The following MIA2 variants were observed in gnomAD, a reference collection of about 807,000 sequenced individuals.
MIA2 encodes the protein MIA SH3 domain ER export factor 2.
Under a neutral mutation model 167.8 loss-of-function variants are expected in MIA2, and 127 were observed. The observed-to-expected ratio is 0.76, with a 90% CI of 0.66 to 0.88. The LOEUF is 0.88. Among genes scored for constraint, MIA2 ranks in the 40% least tolerant of loss-of-function variants. The pLI, the probability that MIA2 is intolerant of heterozygous loss-of-function variation, is 0.00. For missense variants in MIA2, 1,690 were observed against 1,624.7 expected, an observed-to-expected ratio of 1.04 and a Z score of -0.69; for synonymous variants, 552 against 541.9, an observed-to-expected ratio of 1.02 and a Z score of -0.26.
chr14:39,288,453 A>ATTTTTTTTTTTTTTT, intron 9 of MIA2, among the ~76,000 whole-genome samples: 1 of 13,808 alleles, frequency 7.2e-5, no homozygotes, highest in Admixed American at 9.4e-4. Context: ...ATATATATAT[A>ATTTTTTTTTTTTTTT]TATATATATA....
At chr14:39,275,651 A>C (rs1466401635) in intron 6 of MIA2, among the ~76,000 whole-genome samples, 2 of 152,194 alleles carry the variant, frequency 1.3e-5, no homozygotes, top group East Asian at 3.8e-4. Context: ...ACATTAGCTA[A>C]AAGTAAGATG....
chr14:39,281,243 A>G (rs1350211614), intron 9 of MIA2, among the ~76,000 whole-genome samples: 1 of 151,176 alleles, frequency 6.6e-6, no homozygotes, highest in Non-Finnish European at 1.5e-5. Context: ...GTTTTGAAAC[A>G]CTCTTGATTG....
intron 25 of MIA2, among the ~76,000 whole-genome samples, 180 bp downstream of exon 25, chr14:39,327,202 T>C (rs2067753910): frequency 6.6e-6 from 1 of 152,238 alleles, no homozygotes; most frequent in Non-Finnish European, 1.5e-5. Flanking sequence ...GTTCATATTA[T>C]AGAAAGCTGT....
At chr14:39,359,732 T>C (rs977905810) in intron 23 of MIA2, among the ~76,000 whole-genome samples, 2 of 152,198 alleles carry the variant, frequency 1.3e-5, no homozygotes, top group Non-Finnish European at 2.9e-5. Flanking sequence ...TTGTGTCCAT[T>C]GATAGATGCT....
At position 39,247,896 on chromosome 14, in the gene MIA2, A is replaced by G. The variant is rs765592561; in HGVS notation, c.1322A>G (p.Lys441Arg). The G allele has an allele frequency of 6.3e-7, 1 of 1,589,734 alleles. No homozygotes were observed. Among genetic ancestry groups the G allele is most frequent in the South Asian group, 1.2e-5 (1 of 85,342 alleles). ...ATAGAAACAGAAGATCAAATAGACA[A>G]GAAACCAGTCTCAGAAAAAACAGAC... is the stretch of plus-strand genomic sequence containing the variant. ...KIIETEDQID[K>R]KPVSEKTDES... The change falls in exon 4 of 29, where the codon AAG becomes AGG. Residue 441 changes from lysine to arginine, a missense_variant. Lys to Arg is a conservative substitution (Grantham distance 26). Coordinates refer to ENST00000640607, the MANE Select transcript of MIA2 (RefSeq NM_001329214.4).
chr14:39,277,185 GTTTTTGTTTTTTGT>G, intron 7 of MIA2, 120 bp downstream of exon 7: 2 of 1,326,484 alleles, frequency 1.5e-6, no homozygotes, highest in Non-Finnish European at 2.0e-6. Flanking sequence ...GGATTCAGAG[GTTTTTGTTTTTTGT>G]TTTTTGTTTT....
At chr14:39,297,651 C>G (rs2061604702) in intron 13 of MIA2, among the ~76,000 whole-genome samples, 1 of 119,856 alleles carries the variant, frequency 8.3e-6, no homozygotes, top group South Asian at 2.6e-4. Flanking sequence ...CAAAGAATGA[C>G]CCTGTAGGGT....
At chr14:39,243,605 C>G (rs898765790) in intron 3 of MIA2, among the ~76,000 whole-genome samples, 5 of 152,160 alleles carry the variant, frequency 3.3e-5, no homozygotes, top group African/African-American at 1.2e-4. Context: ...GTGGCTCATG[C>G]CTGTAATCCC....
intron 6 of MIA2, among the ~76,000 whole-genome samples, chr14:39,269,323 C>T (rs1222885382): frequency 6.6e-6 from 1 of 151,848 alleles, no homozygotes; most frequent in Non-Finnish European, 1.5e-5. Context: ...AAAATAAACT[C>T]TACTGATTAG....
intron 6 of MIA2, among the ~76,000 whole-genome samples, chr14:39,263,171 T>A (rs1014179736): frequency 1.3e-5 from 2 of 152,276 alleles, no homozygotes; most frequent in African/African-American, 4.8e-5. Context: ...ATAGCTCTTA[T>A]TATTTTGAGA....
At position 39,298,530 on chromosome 14, in the gene MIA2, G is replaced by GTTTTGTTTTTT. The variant is rs2061832220; in HGVS notation, c.2497-1330_2497-1329insGTTTTTTTTTT. 2.2e-3 allele frequency among the ~76,000 whole-genome samples: 58 copies of GTTTTGTTTTTT among 26,172 alleles called. 2 individuals are homozygous for GTTTTGTTTTTT. Among genetic ancestry groups the GTTTTGTTTTTT allele is most frequent in the Non-Finnish European group, 3.4e-3 (51 of 14,972 alleles). 17.2% of individuals were successfully genotyped at this position (26,172 alleles called of 152,430 possible). On this transcript the variant is annotated intron_variant, in intron 13 of 28. Transcript: ENST00000640607. ...AATAATTACTGTTTGGTAGAACAGA[G>GTTTTGTTTTTT]TTTTTTTTTTTTTTTTTTTTTTTTG...
At chr14:39,342,678 G>GATAT (rs1437328654) in intron 25 of MIA2, among the ~76,000 whole-genome samples, 4 of 152,112 alleles carry the variant, frequency 2.6e-5, no homozygotes, top group Non-Finnish European at 5.9e-5. Context: ...ATTTGCTTCA[G>GATAT]ATATATATGT....
chr14:39,293,926 A>G, intron 11 of MIA2, 74 bp from the exon 12 acceptor site: 1 of 1,112,678 alleles, frequency 9.0e-7, no homozygotes, highest in Non-Finnish European at 1.4e-6. Context: ...TTAGGTTAAC[A>G]GTATATCTAA....
At chr14:39,267,479 C>G in intron 6 of MIA2, 1 of 1,613,244 alleles carries the variant, frequency 6.2e-7, no homozygotes, top group Non-Finnish European at 8.5e-7. Flanking sequence ...CCCGGGGTTA[C>G]CCCTCAACCG....
chr14:39,252,912 C>G lies in MIA2; in HGVS notation c.1732C>G (p.Gln578Glu). 1 of 1,613,652 alleles carries G rather than the reference C, an allele frequency of 6.2e-7. No individual in the cohort carries two copies. Among genetic ancestry groups the G allele is most frequent in the African/African-American group, 1.3e-5 (1 of 75,034 alleles). The stretch of plus-strand genomic sequence containing the variant: ...TGTGGAAAATACCCTGCTAAATAGT[C>G]AGATGGTTTCAACTGATAACTCTTT... Reference protein sequence around the residue: ...RSVENTLLNSQMVSTDNSLSS... With the variant: ...RSVENTLLNSEMVSTDNSLSS... Residue 578 changes from glutamine to glutamate, a missense_variant, in exon 5 of 29, where the codon CAG (glutamine) becomes GAG (glutamate). Gln to Glu is a conservative substitution (Grantham distance 29, BLOSUM62 2). Coordinates refer to ENST00000640607, the MANE Select transcript of MIA2 (RefSeq NM_001329214.4).
chr14:39,302,478 C>T (rs2062681135), intron 15 of MIA2, among the ~76,000 whole-genome samples: 2 of 152,168 alleles, frequency 1.3e-5, no homozygotes, highest in African/African-American at 4.8e-5. Flanking sequence ...ACAGCCTCCT[C>T]CCTTTTTTTT....
chr14:39,269,669 C>A (rs1242600442), intron 6 of MIA2, among the ~76,000 whole-genome samples: 3 of 151,984 alleles, frequency 2.0e-5, no homozygotes, highest in Admixed American at 2.0e-4. Context: ...ACAGCACATG[C>A]CACCAGGCCT....
chr14:39,290,033 T>C (rs73277451), intron 9 of MIA2, among the ~76,000 whole-genome samples: 2,911 of 152,290 alleles, frequency 0.019, 101 homozygotes, highest in African/African-American at 0.067. Flanking sequence ...GCTTTTTCCG[T>C]CTTAAGATCC....
chr14:39,262,677 C>G (rs1462287554), intron 6 of MIA2, among the ~76,000 whole-genome samples: 2 of 152,076 alleles, frequency 1.3e-5, no homozygotes, highest in Admixed American at 1.3e-4. Context: ...TGTTTGTGTC[C>G]TCTTTTATTT....
Sources: allele counts gnomAD v4.1 joint callset (sites outside exome capture counted in the v4.1 genomes callset), GRCh38; gene constraint gnomAD v4.1.1; transcripts MANE v1.5; gene names NCBI Gene and HGNC (gene_info 2026-07-23, HGNC 2026-07-21).